Variants in RTN4IP1 observed in about 807,000 individuals in gnomAD.
RTN4IP1 encodes reticulon 4 interacting protein 1.
In RTN4IP1, 32 loss-of-function variants were observed where a neutral mutation model predicts 46.6. That is an observed-to-expected ratio of 0.69 (90% confidence interval 0.52 to 0.92). RTN4IP1 has a LOEUF of 0.92. Ranked by LOEUF, RTN4IP1 falls within the 40% of genes least tolerant of loss-of-function variation. The pLI is 0.00. For missense variants in RTN4IP1, 424 were observed against 485.8 expected (o/e 0.87, Z 1.20); for synonymous variants, 167 against 161.8 (o/e 1.03, Z -0.24).
intron 8 of RTN4IP1, among the ~76,000 whole-genome samples, chr6:106,579,957 G>A (rs1341359070): frequency 6.6e-6 from 1 of 151,832 alleles, no homozygotes; most frequent in African/African-American, 2.4e-5. Context: ...GCTCACGCCT[G>A]TAATCCCAAC....
chr6:106,587,585 C>T lies in RTN4IP1; in HGVS notation c.990+94G>A, dbSNP rs975337119. The T allele has an allele frequency of 1.8e-5, 21 of 1,149,022 alleles. No individual in the cohort carries two copies. In the East Asian group the frequency reaches 2.6e-4, roughly 14 times the overall value. The allele number at this position is 1,149,022 out of a possible 1,614,324, so 71.2% of individuals were successfully genotyped here. On this transcript the variant is annotated intron_variant, in intron 7 of 8. Transcript: ENST00000369063. ...CCATGCTTGCAACCACCGTGCTATG[C>T]GGCCTCCAAGAGAAGAGAAACTGGC...
At chr6:106,615,878 T>C (rs557855279) in intron 4 of RTN4IP1, among the ~76,000 whole-genome samples, 2 of 152,294 alleles carry the variant, frequency 1.3e-5, no homozygotes, top group South Asian at 4.1e-4. Context: ...AAACTATAGA[T>C]GGGCTGATAA....
chr6:106,584,351 G>C (rs1259330790), intron 7 of RTN4IP1, among the ~76,000 whole-genome samples: 1 of 152,116 alleles, frequency 6.6e-6, no homozygotes, highest in Non-Finnish European at 1.5e-5. Context: ...TCATCAGATG[G>C]GAGCAATGTG....
chr6:106,615,800 T>A (rs548956999), intron 4 of RTN4IP1, among the ~76,000 whole-genome samples: 3 of 152,344 alleles, frequency 2.0e-5, no homozygotes, highest in African/African-American at 4.8e-5. Context: ...AACAACTTTT[T>A]AAAAAAATTT....
In RTN4IP1 at chr6:106,611,178, G is replaced by A. The variant is rs574870680; in HGVS notation, c.620+8024C>T. Among the ~76,000 whole-genome samples the A allele has an allele frequency of 4.6e-5, 7 of 152,248 alleles. No individual in the cohort carries two copies. The East Asian group carries it at 1.3e-3, about 29-fold the overall frequency. On this transcript the variant is annotated intron_variant, in intron 4 of 8. Coordinates refer to ENST00000369063, the MANE Select transcript of RTN4IP1 (RefSeq NM_032730.5). ...TGAATGCCAGGGCTGGGTATCTAGA[G>A]TCACGGGTTCAGGTTTCAACTCTCT...
In RTN4IP1 at chr6:106,596,641, C is replaced by T. The variant is rs190027739; in HGVS notation, c.670-4341G>A. ...TTATCAGAACATATGGCTGTTCCTA[C>T]ACTCTCTCCTTCTAAGCCCTCATTT... On this transcript the variant is annotated intron_variant, in intron 5 of 8. Coordinates refer to ENST00000369063, the MANE Select transcript of RTN4IP1 (RefSeq NM_032730.5). Among the ~76,000 whole-genome samples, 377 of 152,296 alleles carry T rather than the reference C, an allele frequency of 2.5e-3. 2 individuals are homozygous for T. The highest frequency in any genetic ancestry group is 2.4e-3 in the Non-Finnish European group (161 of 68,030).
intron 4 of RTN4IP1, among the ~76,000 whole-genome samples, chr6:106,611,233 G>A (rs558650004): frequency 3.8e-4 from 58 of 152,088 alleles, no homozygotes; most frequent in Non-Finnish European, 6.6e-4. Context: ...CCTCAGATCT[G>A]TCACCTACAA....
At chr6:106,628,080 A>G (rs1201025740) in intron 1 of RTN4IP1, among the ~76,000 whole-genome samples, 1 of 150,464 alleles carries the variant, frequency 6.6e-6, no homozygotes, top group Non-Finnish European at 1.5e-5. Context: ...AACAAACAAA[A>G]AACCCCATAA....
At chr6:106,614,487 A>C (rs966779160) in intron 4 of RTN4IP1, among the ~76,000 whole-genome samples, 27 of 152,296 alleles carry the variant, frequency 1.8e-4, no homozygotes, top group Admixed American at 1.8e-3. Flanking sequence ...TATAAGTAGA[A>C]GCTGGGAGTA....
chr6:106,587,757 G>C lies in RTN4IP1; in HGVS notation c.912C>G (p.Phe304Leu). The C allele has an allele frequency of 6.2e-7, 1 of 1,613,950 alleles. No homozygotes were observed. Among genetic ancestry groups the C allele is most frequent in the Non-Finnish European group, 8.5e-7 (1 of 1,179,996 alleles). ...TGCCCAATCGGTCCATGTTCAGGAGGAAAGGAGTCACCAAAGTCACATAGG... is the reference window on the plus strand; with the variant it reads ...TGCCCAATCGGTCCATGTTCAGGAGCAAAGGAGTCACCAAAGTCACATAGG... Reference protein sequence around the residue: ...GATYVTLVTPFLLNMDRLGIA... With the variant: ...GATYVTLVTPLLLNMDRLGIA... Residue 304 changes from phenylalanine (F) to leucine (L), a missense_variant, in exon 7 of 9, where the codon TTC becomes TTG. Transcript: ENST00000369063.
At chr6:106,582,081 C>A (rs1775384633) in intron 8 of RTN4IP1, among the ~76,000 whole-genome samples, 1 of 152,108 alleles carries the variant, frequency 6.6e-6, no homozygotes. Flanking sequence ...CTTAGAAGTC[C>A]ATGAAAAGAC....
chr6:106,592,374 T>A, intron 5 of RTN4IP1, 74 bp from the exon 6 acceptor site: 3 of 1,457,690 alleles, frequency 2.1e-6, no homozygotes, highest in Non-Finnish European at 2.8e-6. Context: ...GAAAAAAAAA[T>A]CATTGGCACC....
chr6:106,597,745 G>A (rs1302453860), intron 5 of RTN4IP1, among the ~76,000 whole-genome samples: 2 of 148,232 alleles, frequency 1.3e-5, no homozygotes, highest in Non-Finnish European at 3.0e-5. Flanking sequence ...TGCACATTGT[G>A]CAGGTTAGTT....
At chr6:106,610,789 T>A (rs934765980) in intron 4 of RTN4IP1, among the ~76,000 whole-genome samples, 1 of 152,220 alleles carries the variant, frequency 6.6e-6, no homozygotes, top group African/African-American at 2.4e-5. Context: ...GTGACAGATA[T>A]TTTTTAAATA....
chr6:106,599,227 TTTTTAA>T lies in RTN4IP1; in HGVS notation c.669+3641_669+3646del, dbSNP rs577469820. On this transcript the variant is annotated intron_variant, in intron 5 of 8. Coordinates refer to ENST00000369063, the MANE Select transcript of RTN4IP1 (RefSeq NM_032730.5). The stretch of plus-strand genomic sequence containing the variant: ...TTTAACCTTGATGCTTTTCTATTAC[TTTTTAA>T]TTTTATTAAAATTTTTTGTTGTAAA... Among the ~76,000 whole-genome samples the T allele has an allele frequency of 7.6e-4, 116 of 152,086 alleles. 2 individuals carry two copies. The highest frequency in any genetic ancestry group is 2.7e-3 in the African/African-American group (112 of 41,528).
At chr6:106,622,617 C>T (rs897473034) in intron 2 of RTN4IP1, among the ~76,000 whole-genome samples, 3 of 152,160 alleles carry the variant, frequency 2.0e-5, no homozygotes, top group Admixed American at 6.5e-5. Flanking sequence ...GGTGTTTACT[C>T]GAGACCTACG....
intron 5 of RTN4IP1, among the ~76,000 whole-genome samples, chr6:106,599,426 T>C (rs1582367804): frequency 1.3e-5 from 2 of 149,688 alleles, no homozygotes; most frequent in African/African-American, 4.9e-5. Flanking sequence ...AACTACTAAC[T>C]GGACCTTTAG....
At chr6:106,623,076 T>C in intron 1 of RTN4IP1, 107 bp from the exon 2 acceptor site, 1 of 1,058,966 alleles carries the variant, frequency 9.4e-7, no homozygotes, top group Non-Finnish European at 1.4e-6. Context: ...AGATGTAGAT[T>C]ATAAATCATT....
At chr6:106,614,836 T>C (rs1453933648) in intron 4 of RTN4IP1, among the ~76,000 whole-genome samples, 1 of 152,104 alleles carries the variant, frequency 6.6e-6, no homozygotes, top group East Asian at 1.9e-4. Context: ...TTACAGTCCA[T>C]TGAAGAGTAA....
Sources: gnomAD v4.1 joint callset for allele counts (sites outside exome capture counted in the v4.1 genomes callset) on GRCh38, gnomAD v4.1.1 for gene constraint, MANE v1.5 for transcripts, NCBI Gene and HGNC (gene_info 2026-07-23, HGNC 2026-07-21) for gene names.